The following ODF1 variants were observed in gnomAD, a reference collection of about 807,000 sequenced individuals.
The protein encoded by ODF1 is outer dense fiber protein 1.
Under a neutral mutation model 24.0 loss-of-function variants are expected in ODF1, and 10 were observed. The ratio of observed to expected loss-of-function variants is 0.42; its 90% CI spans 0.26 to 0.71. The LOEUF (loss-of-function observed/expected upper bound fraction) is 0.71. Among genes scored for constraint, ODF1 ranks in the 30% least tolerant of loss-of-function variants. ODF1 has a pLI of 0.28. For missense variants in ODF1, 282 were observed against 307.9 expected (o/e 0.92, Z 0.63); for synonymous variants, 118 against 121.3 (o/e 0.97, Z 0.18).
At chr8:102,555,427 C>T (rs78966788) in intron 1 of ODF1, among the ~76,000 whole-genome samples, 1,802 of 152,284 alleles carry the variant, frequency 0.012, 29 homozygotes, top group African/African-American at 0.04. Context: ...TACCTAGAAA[C>T]GAATCCTGAG....
chr8:102,558,419 A>C (rs1587812080), intron 1 of ODF1, among the ~76,000 whole-genome samples: 1 of 152,094 alleles, frequency 6.6e-6, no homozygotes, highest in African/African-American at 2.4e-5. Context: ...GCCTCACTGC[A>C]CTCCAGCCTG....
In ODF1 at chr8:102,560,507, T is replaced by A. The variant is rs1255231586; in HGVS notation, c.376T>A (p.Leu126Ile). ...TTCCTCCTGCTGTAGCAGTAACATT[T>A]TAGGATCGGTGAATGTATGCGGTTT... ...LASSCCSSNI[L>I]GSVNVCGFEP... The change falls in exon 2 of 2, where the codon TTA becomes ATA. Residue 126 changes from leucine to isoleucine, a missense_variant. Physicochemically the swap from Leu to Ile is conservative, Grantham distance 5. Transcript: ENST00000285402. 6.2e-7 allele frequency: 1 copy of A among 1,614,104 alleles called. No homozygotes were observed. The highest frequency in any genetic ancestry group is 1.3e-5 in the African/African-American group (1 of 74,932).
intron 1 of ODF1, among the ~76,000 whole-genome samples, chr8:102,558,448 C>T (rs1008888586): frequency 1.7e-4 from 26 of 151,332 alleles, no homozygotes; most frequent in African/African-American, 5.8e-4. Flanking sequence ...AGCGAGACCC[C>T]GTCTCAAAAA....
In ODF1 at chr8:102,560,957, C is replaced by T. The variant is rs971131233; in HGVS notation, c.*73C>T. ...AGGCAGCTCTCCCAATGTTTCTCCT[C>T]TCCTTCCCATGGCCCCTGTTGTTGA... On this transcript the variant is annotated 3_prime_UTR_variant, in exon 2 of 2. Transcript: ENST00000285402. The T allele has an allele frequency of 2.2e-6, 3 of 1,352,058 alleles. No individual in the cohort carries two copies. The highest frequency in any genetic ancestry group is 3.1e-6 in the Non-Finnish European group (3 of 982,318). The allele number at this position is 1,352,058 out of a possible 1,614,324, so 83.8% of individuals were successfully genotyped here.
rs71574062 is a variant in ODF1, at chr8:102,552,977, CAGATAGATAGAT to C, written c.320+959_320+970del. On this transcript the variant is annotated intron_variant, in intron 1 of 1. Transcript: ENST00000285402. ...TGCAGAAAAACTGATAGACAGATGA[CAGATAGATAGAT>C]AGATAGATAGATAGATAGATAGATA... 8.8e-5 allele frequency among the ~76,000 whole-genome samples: 12 copies of C among 136,086 alleles called. No homozygotes were observed. The East Asian group carries it at 2.6e-3, about 29-fold the overall frequency. 89.3% of individuals were successfully genotyped at this position (136,086 alleles called of 152,430 possible). A position where few individuals can be genotyped will look rare whatever the true frequency, so the allele number is the denominator to read the frequency against.
rs117958007 is a variant in ODF1 at position 102,551,828 on chromosome 8, G to A, written c.101G>A (p.Arg34Gln). The stretch of plus-strand genomic sequence containing the variant: ...AGATGCATCGACGAATTTAGCACAC[G>A]GTGCCTGTGCGACTTGTATATGCAC... ...QLRCIDEFST[R>Q]CLCDLYMHPY... Residue 34 changes from arginine to glutamine, a missense_variant, in exon 1 of 2, where the codon CGG (arginine) becomes CAG (glutamine). Arg to Gln is a conservative substitution (Grantham distance 43). Coordinates refer to ENST00000285402, the MANE Select transcript of ODF1 (RefSeq NM_024410.4). 5.2e-4 allele frequency: 833 copies of A among 1,614,120 alleles called. 10 individuals are homozygous for A. The East Asian group carries it at 0.014, about 28-fold the overall frequency.
chr8:102,552,704 A>T (rs113731278), intron 1 of ODF1, among the ~76,000 whole-genome samples: 1 of 152,164 alleles, frequency 6.6e-6, no homozygotes, highest in East Asian at 1.9e-4. Context: ...TGAATTGGGT[A>T]ATTAAAAAGA....
intron 1 of ODF1, among the ~76,000 whole-genome samples, chr8:102,559,100 T>C (rs967250422): frequency 6.6e-6 from 1 of 151,064 alleles, no homozygotes; most frequent in Non-Finnish European, 1.5e-5. Context: ...GTGCCAAGTA[T>C]TATTGTAAAT....
chr8:102,557,478 C>G (rs990298659), intron 1 of ODF1, among the ~76,000 whole-genome samples: 2 of 152,196 alleles, frequency 1.3e-5, no homozygotes, highest in Non-Finnish European at 2.9e-5. Flanking sequence ...TGTGTGCTGT[C>G]GCAGAGCCAC....
chr8:102,560,348 CT>C, intron 1 of ODF1, 103 bp from the exon 2 acceptor site: 1 of 1,072,274 alleles, frequency 9.3e-7, no homozygotes, highest in Non-Finnish European at 1.4e-6. Context: ...CTAGTATTAA[CT>C]TTGGCTATTT....
intron 1 of ODF1, among the ~76,000 whole-genome samples, chr8:102,555,437 G>C (rs1417493239): frequency 6.6e-6 from 1 of 152,156 alleles, no homozygotes; most frequent in Non-Finnish European, 1.5e-5. Context: ...CGAATCCTGA[G>C]ACCGTGTTTC....
At chr8:102,555,609 G>T (rs187852633) in intron 1 of ODF1, among the ~76,000 whole-genome samples, 1 of 152,314 alleles carries the variant, frequency 6.6e-6, no homozygotes, top group East Asian at 1.9e-4. Context: ...ATCCACTCTT[G>T]CTTGGTGAGG....
chr8:102,558,164 G>A (rs1237783512), intron 1 of ODF1, among the ~76,000 whole-genome samples: 1 of 152,156 alleles, frequency 6.6e-6, no homozygotes, highest in Non-Finnish European at 1.5e-5. Flanking sequence ...GTAGAAATGG[G>A]GCTGAGGCCG....
Position 102,552,012 on chromosome 8 carries a change from C to T in ODF1, c.285C>T (p.Ile95=). 6.2e-7 allele frequency: 1 copy of T among 1,608,242 alleles called. No individual in the cohort carries two copies. Among genetic ancestry groups the T allele is most frequent in the Non-Finnish European group, 8.5e-7 (1 of 1,175,348 alleles). ...PSLRSLERKA[I]RAIEDEKREL... ...TCAGAAGTTTGGAGAGGAAAGCCAT[C>T]AGAGCCATAGAAGATGAGAAGCGAG... Residue 95 remains isoleucine (I), a synonymous_variant, in exon 1 of 2, where the codon ATC becomes ATT. Transcript: ENST00000285402.
intron 1 of ODF1, among the ~76,000 whole-genome samples, chr8:102,553,085 G>A (rs774802522): frequency 5.3e-5 from 8 of 151,898 alleles, no homozygotes; most frequent in East Asian, 1.9e-4. Flanking sequence ...ATAGGAGGCC[G>A]GGTGCATTGG....
At chr8:102,557,458 G>T (rs1826126060) in intron 1 of ODF1, among the ~76,000 whole-genome samples, 1 of 152,220 alleles carries the variant, frequency 6.6e-6, no homozygotes, top group Admixed American at 6.5e-5. Context: ...GAAGACATTT[G>T]TGAGATCCTT....
chr8:102,553,342 A>G (rs1826070960), intron 1 of ODF1, among the ~76,000 whole-genome samples: 2 of 149,048 alleles, frequency 1.3e-5, no homozygotes, highest in African/African-American at 2.5e-5. Context: ...GCACCACTAC[A>G]CTCCAGACCG....
At chr8:102,554,306 G>T (rs190123805) in intron 1 of ODF1, among the ~76,000 whole-genome samples, 1 of 152,266 alleles carries the variant, frequency 6.6e-6, no homozygotes, top group East Asian at 1.9e-4. Context: ...GTGAAAGCTT[G>T]CCCAAGGCTT....
chr8:102,553,403 T>G (rs541875195), intron 1 of ODF1, among the ~76,000 whole-genome samples: 10 of 151,308 alleles, frequency 6.6e-5, no homozygotes, highest in African/African-American at 2.4e-4. Context: ...AGGATAATTA[T>G]TGTCTAGGTC....
Sources: allele counts gnomAD v4.1 joint callset (sites outside exome capture counted in the v4.1 genomes callset), GRCh38; gene constraint gnomAD v4.1.1; transcripts MANE v1.5; gene names NCBI Gene and HGNC (gene_info 2026-07-23, HGNC 2026-07-21).